RGS6: variants seen among roughly 807,000 people sequenced by gnomAD.
RGS6 encodes regulator of G-protein signaling 6.
RGS6 carries 30 observed loss-of-function variants against 78.5 expected under a neutral mutation model. The ratio of observed to expected loss-of-function variants is 0.38; its 90% confidence interval spans 0.29 to 0.52. The LOEUF (loss-of-function observed/expected upper bound fraction) is 0.52, where lower values mean the gene tolerates loss of function less well. Ranked by LOEUF, RGS6 falls within the 20% of genes least tolerant of loss-of-function variation. RGS6 has a pLI of 0.85. For missense variants in RGS6, 495 were observed against 609.7 expected (o/e 0.81, Z 1.98); for synonymous variants, 206 against 206.0 (o/e 1.00, Z 0.00).
chr14:72,390,813 G>T (rs1444174521), intron 3 of RGS6, among the ~76,000 whole-genome samples: 1 of 152,216 alleles, frequency 6.6e-6, no homozygotes, highest in Non-Finnish European at 1.5e-5. Flanking sequence ...GGTGAGCCCT[G>T]CAAGGACTCA....
chr14:72,162,320 C>T (rs952860824), intron 2 of RGS6, among the ~76,000 whole-genome samples: 3 of 152,022 alleles, frequency 2.0e-5, no homozygotes, highest in Non-Finnish European at 4.4e-5. Context: ...AAGAGTGGAC[C>T]CTGACCCACC....
intron 2 of RGS6, among the ~76,000 whole-genome samples, chr14:72,009,161 C>G (rs1019734944): frequency 6.6e-6 from 1 of 152,118 alleles, no homozygotes. Context: ...TCAAGAACAA[C>G]CTGGGCAACA....
At chr14:72,366,523 A>C (rs539535572) in intron 3 of RGS6, among the ~76,000 whole-genome samples, 1 of 152,210 alleles carries the variant, frequency 6.6e-6, no homozygotes, top group Non-Finnish European at 1.5e-5. Context: ...AGAACCCAAC[A>C]TCAGATCAAA....
At chr14:72,532,363 A>G (rs1382169447) in intron 15 of RGS6, among the ~76,000 whole-genome samples, 1 of 152,094 alleles carries the variant, frequency 6.6e-6, no homozygotes, top group African/African-American at 2.4e-5. Context: ...CCTCTACCAA[A>G]TCAGCCATTC....
At chr14:72,580,144 C>T in the RGS6 span, among the ~76,000 whole-genome samples, 5 of 152,172 alleles carry the variant, frequency 3.3e-5, no homozygotes, top group Admixed American at 6.5e-5. Flanking sequence ...GTAAGAGGCA[C>T]TAATTAATGG....
intron 2 of RGS6, among the ~76,000 whole-genome samples, chr14:72,276,541 G>A (rs2060700302): frequency 6.6e-6 from 1 of 152,134 alleles, no homozygotes; most frequent in African/African-American, 2.4e-5. Flanking sequence ...CTCTCATCTT[G>A]AATTGTAGCT....
chr14:71,904,258 C>G, the RGS6 span, among the ~76,000 whole-genome samples: 1 of 152,150 alleles, frequency 6.6e-6, no homozygotes, highest in Non-Finnish European at 1.5e-5. Context: ...CCTCCCTCCC[C>G]CAAAATCTAA....
chr14:72,323,426 A>G (rs553054072), intron 2 of RGS6, among the ~76,000 whole-genome samples: 18 of 152,080 alleles, frequency 1.2e-4, no homozygotes, highest in Admixed American at 5.2e-4. Flanking sequence ...TATACAGGTA[A>G]TGCAATGCAA....
intron 2 of RGS6, among the ~76,000 whole-genome samples, chr14:72,215,251 C>T (rs1045080949): frequency 1.3e-5 from 2 of 152,140 alleles, no homozygotes; most frequent in African/African-American, 4.8e-5. Flanking sequence ...GCCAATCAGC[C>T]AGAGACATGA....
At chr14:72,410,447 C>T (rs947223739) in intron 3 of RGS6, among the ~76,000 whole-genome samples, 1 of 152,088 alleles carries the variant, frequency 6.6e-6, no homozygotes, top group African/African-American at 2.4e-5. Flanking sequence ...TGTTGGAGTT[C>T]ATTGTAGATT....
intron 15 of RGS6, among the ~76,000 whole-genome samples, chr14:72,527,878 A>G (rs2153479030): frequency 6.6e-6 from 1 of 152,316 alleles, no homozygotes; most frequent in Non-Finnish European, 1.5e-5. Context: ...CAGCTTAGGT[A>G]TGGAGGGCAG....
At position 72,398,741 on chromosome 14, in the gene RGS6, G is replaced by A. The variant is rs375536637; in HGVS notation, c.184+46547G>A. 8.0e-4 allele frequency among the ~76,000 whole-genome samples: 121 copies of A among 152,180 alleles called. 4 individuals are homozygous for A. In the South Asian group the frequency reaches 0.024, roughly 30 times the overall value. On this transcript the variant is annotated intron_variant, in intron 3 of 17. Transcript: ENST00000553525. ...GCTTTGAATGTGTCCCAGAGATTCT[G>A]GTATGTTGTGTTTTTGTTCTTGTTG...
At chr14:72,410,940 G>A (rs1369792340) in intron 3 of RGS6, among the ~76,000 whole-genome samples, 3 of 152,056 alleles carry the variant, frequency 2.0e-5, no homozygotes, top group South Asian at 4.2e-4. Flanking sequence ...CTCTGTTTTG[G>A]TACCAGTACC....
intron 2 of RGS6, among the ~76,000 whole-genome samples, chr14:72,235,153 G>T (rs974913389): frequency 9.2e-5 from 14 of 152,224 alleles, no homozygotes; most frequent in African/African-American, 2.9e-4. Context: ...GGAACGGTAA[G>T]TGGCCTGAGG....
intron 2 of RGS6, among the ~76,000 whole-genome samples, chr14:72,144,633 A>G (rs753061068): frequency 1.3e-5 from 2 of 152,194 alleles, no homozygotes; most frequent in Non-Finnish European, 2.9e-5. Flanking sequence ...CTCAGCTAAT[A>G]TTTATTGTGT....
At chr14:72,621,133 T>G in the RGS6 span, among the ~76,000 whole-genome samples, 51 of 131,670 alleles carry the variant, frequency 3.9e-4, no homozygotes, top group Admixed American at 1.1e-3. Flanking sequence ...TGAGTGAGAC[T>G]CTGTCTCAAA....
the RGS6 span, among the ~76,000 whole-genome samples, chr14:72,591,423 C>T: frequency 1.3e-5 from 2 of 151,180 alleles, no homozygotes; most frequent in Non-Finnish European, 2.9e-5. Flanking sequence ...AATTTTTTTT[C>T]CATAATAACT....
intron 2 of RGS6, among the ~76,000 whole-genome samples, chr14:72,095,162 G>A (rs1469718611): frequency 2.6e-5 from 4 of 152,040 alleles, no homozygotes; most frequent in African/African-American, 4.8e-5. Context: ...TTATGTTTGA[G>A]CAGCTATGAT....
chr14:72,110,790 C>T (rs2095742533), intron 2 of RGS6, among the ~76,000 whole-genome samples: 1 of 152,148 alleles, frequency 6.6e-6, no homozygotes, highest in Non-Finnish European at 1.5e-5. Context: ...TTGACCCAGA[C>T]AAGTGTCACA....
Sources: allele counts gnomAD v4.1 joint callset (sites outside exome capture counted in the v4.1 genomes callset), GRCh38; gene constraint gnomAD v4.1.1; transcripts MANE v1.5; gene names NCBI Gene and HGNC (gene_info 2026-07-23, HGNC 2026-07-21).